HDAC4: variants seen among roughly 807,000 people sequenced by gnomAD.
HDAC4 encodes the protein histone deacetylase 4, also known as histone deacetylase A.
HDAC4 carries 16 observed loss-of-function variants against 135.1 expected under a neutral mutation model. The observed-to-expected ratio is 0.12, with a 90% CI of 0.08 to 0.18. The LOEUF is 0.18. Ranked by LOEUF, HDAC4 falls within the 10% of genes least tolerant of loss-of-function variation. The probability of loss-of-function intolerance (pLI) is 1.00; values close to 1 mark genes in which losing one functional copy is unlikely to be tolerated. For missense variants in HDAC4, 1,143 were observed against 1,511.8 expected, an observed-to-expected ratio of 0.76 and a Z score of 4.05; for synonymous variants, 685 against 653.4, an observed-to-expected ratio of 1.05 and a Z score of -0.74.
chr2:239,158,582 G>T (rs2042568884), intron 6 of HDAC4, among the ~76,000 whole-genome samples: 1 of 152,062 alleles, frequency 6.6e-6, no homozygotes, highest in Admixed American at 6.5e-5. Flanking sequence ...AGGTGCAGGA[G>T]GGGCTGGGCC....
At chr2:239,181,468 C>T (rs1256780094) in intron 4 of HDAC4, among the ~76,000 whole-genome samples, 2 of 152,238 alleles carry the variant, frequency 1.3e-5, no homozygotes, top group African/African-American at 2.4e-5. Context: ...CAGGGAGGGC[C>T]GTCAGGGCTA....
chr2:239,167,103 A>T lies in HDAC4; in HGVS notation c.491-3180T>A, dbSNP rs1433754015. Among the ~76,000 whole-genome samples the T allele has an allele frequency of 1.3e-5, 2 of 151,856 alleles. No homozygotes were observed. The highest frequency in any genetic ancestry group is 4.8e-5 in the African/African-American group (2 of 41,324). On this transcript the variant is annotated intron_variant, in intron 5 of 26. Coordinates refer to ENST00000543185, the MANE Select transcript of HDAC4 (RefSeq NM_001378414.1). The surrounding 1 kb of genome is among the most constrained non-coding windows in gnomAD (Gnocchi z 4.1). The stretch of plus-strand genomic sequence containing the variant: ...GGCCGTCCTTGAGTGGAGGCAGCAG[A>T]GCAGGACAAGAAGCAGGTTCTCGGT...
At chr2:239,076,674 C>T (rs73092814) in intron 22 of HDAC4, among the ~76,000 whole-genome samples, 1,912 of 152,278 alleles carry the variant, frequency 0.013, 35 homozygotes, top group African/African-American at 0.043. Flanking sequence ...TTCTGGCTGC[C>T]GTTCTGCCCC....
intron 16 of HDAC4, 147 bp downstream of exon 16, chr2:239,102,629 G>T (rs1406425151): frequency 2.0e-5 from 17 of 840,708 alleles, no homozygotes; most frequent in Non-Finnish European, 2.9e-5. Context: ...TGTGAACAGA[G>T]GGTGAAAGGT....
chr2:239,391,579 C>T lies in HDAC4; in HGVS notation c.-220+9399G>A, dbSNP rs1696217338. On this transcript the variant is annotated intron_variant, in intron 1 of 26. Coordinates refer to ENST00000543185, the MANE Select transcript of HDAC4 (RefSeq NM_001378414.1). ...GCTGAGTCTCTGCGGGAGAGACACT[C>T]ACTCAGCAGATGACAAAGGACTCAC... Among the ~76,000 whole-genome samples, 3 of 152,216 alleles carry T rather than the reference C, an allele frequency of 2.0e-5. No individual in the cohort carries two copies. The South Asian group carries it at 6.2e-4, about 32-fold the overall frequency.
At chr2:239,370,215 G>A (rs1416125984) in intron 1 of HDAC4, among the ~76,000 whole-genome samples, 1 of 152,140 alleles carries the variant, frequency 6.6e-6, no homozygotes, top group African/African-American at 2.4e-5. Context: ...CCTTAGCCAT[G>A]GGCCACCAAC....
intron 7 of HDAC4, among the ~76,000 whole-genome samples, chr2:239,145,110 T>A (rs764272786): frequency 1.3e-5 from 2 of 152,088 alleles, no homozygotes; most frequent in Non-Finnish European, 2.9e-5. Context: ...CTCTTCTAGA[T>A]AATACACCCC....
At position 239,111,397 on chromosome 2, in the gene HDAC4, T is replaced by C. The variant is rs140624878; in HGVS notation, c.1978+129A>G. The C allele has an allele frequency of 9.1e-5, 79 of 867,600 alleles. No individual in the cohort carries two copies. In the Middle Eastern group the frequency reaches 9.9e-4, roughly 11 times the overall value. 53.7% of individuals were successfully genotyped at this position (867,600 alleles called of 1,614,324 possible). A position where few individuals can be genotyped will look rare whatever the true frequency, so the allele number is the denominator to read the frequency against. ...TGACAGACCTGTGTGGTCCCCACCATCCAGCGTGGCCCTCGTGCCTGCCCA... is the reference window on the plus strand; with the variant it reads ...TGACAGACCTGTGTGGTCCCCACCACCCAGCGTGGCCCTCGTGCCTGCCCA... On this transcript the variant is annotated intron_variant, in intron 14 of 26. Coordinates refer to ENST00000543185, the MANE Select transcript of HDAC4 (RefSeq NM_001378414.1).
At chr2:239,389,319 G>T (rs2126095594) in intron 1 of HDAC4, among the ~76,000 whole-genome samples, 1 of 152,304 alleles carries the variant, frequency 6.6e-6, no homozygotes, top group Non-Finnish European at 1.5e-5. Flanking sequence ...AAATCTTGCT[G>T]CTGTTCACTC....
At chr2:239,075,950 G>T (rs1441417616) in intron 22 of HDAC4, among the ~76,000 whole-genome samples, 2 of 151,752 alleles carry the variant, frequency 1.3e-5, no homozygotes, top group Non-Finnish European at 2.9e-5. Flanking sequence ...ACAGCAGGCG[G>T]GTGCCAGCCA....
intron 2 of HDAC4, among the ~76,000 whole-genome samples, chr2:239,291,869 C>A (rs1222560504): frequency 6.6e-6 from 1 of 152,168 alleles, no homozygotes. Flanking sequence ...CCGGGAGCCG[C>A]CGATTACATT....
chr2:239,301,242 C>T (rs1323414670), intron 2 of HDAC4, among the ~76,000 whole-genome samples: 5 of 152,156 alleles, frequency 3.3e-5, no homozygotes, highest in East Asian at 1.9e-4. Flanking sequence ...GTTCTAAAGT[C>T]GGTCTCCCAT....
intron 1 of HDAC4, among the ~76,000 whole-genome samples, chr2:239,396,126 G>C (rs34987852): frequency 6.6e-6 from 1 of 151,400 alleles, no homozygotes; most frequent in East Asian, 1.9e-4. Context: ...ACAGGCACAC[G>C]ACGTCATGCC....
At chr2:239,250,139 G>A (rs1250343672) in intron 2 of HDAC4, among the ~76,000 whole-genome samples, 1 of 152,264 alleles carries the variant, frequency 6.6e-6, no homozygotes, top group Non-Finnish European at 1.5e-5. Flanking sequence ...AGGATGCGTG[G>A]ATGTCCTCTG....
At chr2:239,300,773 G>A (rs1293483210) in intron 2 of HDAC4, among the ~76,000 whole-genome samples, 1 of 152,228 alleles carries the variant, frequency 6.6e-6, no homozygotes, top group African/African-American at 2.4e-5. Flanking sequence ...TTTTCCGACT[G>A]CTCTTTCCTT....
intron 2 of HDAC4, among the ~76,000 whole-genome samples, chr2:239,265,422 T>C (rs1171917204): frequency 6.6e-6 from 1 of 152,180 alleles, no homozygotes; most frequent in African/African-American, 2.4e-5. Context: ...GGCCTCCCAC[T>C]CAGAAACAGC....
In HDAC4 at chr2:239,262,853, C is replaced by G. The variant is rs2049455179; in HGVS notation, c.23-26189G>C. Reference sequence around the variant, plus strand: ...CAGCAGCTCTTGGAAAAGCTGGTGCCCTGGTGAGCAGGAGAGCGTGAGGCT... The same window carrying G: ...CAGCAGCTCTTGGAAAAGCTGGTGCGCTGGTGAGCAGGAGAGCGTGAGGCT... On this transcript the variant is annotated intron_variant, in intron 2 of 26. Coordinates refer to ENST00000543185, the MANE Select transcript of HDAC4 (RefSeq NM_001378414.1). The surrounding 1 kb of genome is among the most constrained non-coding windows in gnomAD (Gnocchi z 4.1). 1.3e-5 allele frequency among the ~76,000 whole-genome samples: 2 copies of G among 152,172 alleles called. No individual in the cohort carries two copies. Among genetic ancestry groups the G allele is most frequent in the African/African-American group, 4.8e-5 (2 of 41,434 alleles).
intron 3 of HDAC4, among the ~76,000 whole-genome samples, chr2:239,202,369 C>G (rs1052106126): frequency 1.3e-5 from 2 of 152,132 alleles, no homozygotes; most frequent in African/African-American, 4.8e-5. Flanking sequence ...ACTTAAGACA[C>G]GAGAAGAAAC....
chr2:239,076,730 G>T (rs2034805547), intron 22 of HDAC4, among the ~76,000 whole-genome samples: 1 of 152,172 alleles, frequency 6.6e-6, no homozygotes, highest in Admixed American at 6.5e-5. Flanking sequence ...CTCCTCACTG[G>T]CTCTCCCTAC....
Sources: allele counts gnomAD v4.1 joint callset (sites outside exome capture counted in the v4.1 genomes callset), GRCh38; gene constraint gnomAD v4.1.1; non-coding constraint Gnocchi (gnomAD v3.1); transcripts MANE v1.5; gene names NCBI Gene and HGNC (gene_info 2026-07-23, HGNC 2026-07-21).